VSNL1: variants seen among roughly 807,000 people sequenced by gnomAD.
VSNL1 encodes the protein visinin like 1.
Under a neutral mutation model 20.4 loss-of-function variants are expected in VSNL1, and 6 were observed. That is an observed-to-expected ratio of 0.29 (90% confidence interval 0.16 to 0.58). VSNL1 has a LOEUF of 0.58. VSNL1 is among the 20% of genes least tolerant of loss of function. The pLI, the probability that VSNL1 is intolerant of heterozygous loss-of-function variation, is 0.90. For synonymous variants in VSNL1, 93 were observed against 86.4 expected, an observed-to-expected ratio of 1.08 and a Z score of -0.42; for missense variants, 100 against 234.5, an observed-to-expected ratio of 0.43 and a Z score of 3.75.
At chr2:17,562,973 G>T (rs1001953333) in intron 1 of VSNL1, among the ~76,000 whole-genome samples, 4 of 152,052 alleles carry the variant, frequency 2.6e-5, no homozygotes, top group Admixed American at 2.0e-4. Context: ...GCCACTCTTG[G>T]GTCGGTGACT....
chr2:17,592,687 A>T, intron 2 of VSNL1, among the ~76,000 whole-genome samples: 1 of 107,066 alleles, frequency 9.3e-6, no homozygotes, highest in Non-Finnish European at 1.7e-5. Context: ...TTTACCAGAA[A>T]AGATACTCCT....
chr2:17,554,154 A>G (rs1663618547), intron 1 of VSNL1, among the ~76,000 whole-genome samples: 1 of 152,194 alleles, frequency 6.6e-6, no homozygotes. Context: ...AGCAGCTTCT[A>G]TGTTATCTGA....
intron 1 of VSNL1, among the ~76,000 whole-genome samples, chr2:17,553,660 T>A (rs1465837995): frequency 6.6e-6 from 1 of 152,226 alleles, no homozygotes; most frequent in Non-Finnish European, 1.5e-5. Context: ...GGACTATATG[T>A]CAGAACCAAA....
In VSNL1 at chr2:17,602,808, G is replaced by A. The variant is rs937415583; in HGVS notation, c.162+10572G>A. Among the ~76,000 whole-genome samples the A allele has an allele frequency of 2.6e-5, 4 of 151,836 alleles. No individual in the cohort carries two copies. The East Asian group carries it at 7.8e-4, about 29-fold the overall frequency. On this transcript the variant is annotated intron_variant, in intron 2 of 3. Transcript: ENST00000295156. ...AAATAAAATAAAATGTCAAAGGGAG[G>A]AATCCCTTTGTAGTAATAGAGAAGC...
Position 17,649,360 on chromosome 2 carries a change from C to G in VSNL1, c.163-50C>G. ...CGTCATTAGGAACCTACCTCGTCGC[C>G]CCGATTCCATCCCCTCCCGACACCT... On this transcript the variant is annotated intron_variant, in intron 2 of 3. Transcript: ENST00000295156. This position sits in a 1 kb window ranked among gnomAD's most constrained non-coding sequence, Gnocchi z 6.4. 1 of 1,584,530 alleles carries G rather than the reference C, an allele frequency of 6.3e-7. No individual in the cohort carries two copies. Among genetic ancestry groups the G allele is most frequent in the Non-Finnish European group, 8.7e-7 (1 of 1,153,438 alleles).
chr2:17,655,500 C>CACAA lies in VSNL1; in HGVS notation c.*107_*108insCAAA, dbSNP rs1401347604. ...ACACACACACACACACACACACACACAAATATTGCTTGGACTACCTATAAA... is the reference window on the plus strand; with the variant it reads ...ACACACACACACACACACACACACACACAAAAATATTGCTTGGACTACCTATAAA... On this transcript the variant is annotated 3_prime_UTR_variant, in exon 4 of 4. Transcript: ENST00000295156. This position sits in a 1 kb window ranked among gnomAD's most constrained non-coding sequence, Gnocchi z 5.2. 8 of 954,644 alleles carry CACAA rather than the reference C, an allele frequency of 8.4e-6. No homozygotes were observed. The highest frequency in any genetic ancestry group is 5.7e-5 in the South Asian group (3 of 52,834). The allele number at this position is 954,644 out of a possible 1,614,324, so 59.1% of individuals were successfully genotyped here. A position where few individuals can be genotyped will look rare whatever the true frequency, so the allele number is the denominator to read the frequency against.
intron 2 of VSNL1, among the ~76,000 whole-genome samples, chr2:17,633,530 A>G (rs972354222): frequency 6.6e-6 from 1 of 151,882 alleles, no homozygotes; most frequent in Non-Finnish European, 1.5e-5. Context: ...GAAAGAAAAA[A>G]AAAAAATTAA....
chr2:17,642,025 G>A (rs1665892102), intron 2 of VSNL1, among the ~76,000 whole-genome samples: 1 of 152,138 alleles, frequency 6.6e-6, no homozygotes, highest in African/African-American at 2.4e-5. Flanking sequence ...TAAATGAAAT[G>A]TTGAAGCTTA....
rs541197095 is a variant in VSNL1 at position 17,580,541 on chromosome 2, A to G, written c.-5-11529A>G. Among the ~76,000 whole-genome samples the G allele has an allele frequency of 6.6e-5, 10 of 152,280 alleles. 1 individual carries two copies. In the South Asian group the frequency reaches 1.7e-3, roughly 25 times the overall value. On this transcript the variant is annotated intron_variant, in intron 1 of 3. Transcript: ENST00000295156. ...AGCATCAGAGCTAGGTTTCAGTCCA[A>G]ACTCTGCCAGTGTTTTCCCGTGTGA...
chr2:17,566,286 G>T (rs535329547), intron 1 of VSNL1, among the ~76,000 whole-genome samples: 27 of 152,156 alleles, frequency 1.8e-4, no homozygotes, highest in African/African-American at 6.3e-4. Context: ...GCCAGATCAT[G>T]CTCTATATGC....
intron 2 of VSNL1, among the ~76,000 whole-genome samples, chr2:17,645,521 G>A (rs1452590175): frequency 6.6e-6 from 1 of 152,270 alleles, no homozygotes; most frequent in Non-Finnish European, 1.5e-5. Context: ...GAGGCACAGT[G>A]TTTGTAGATC....
At chr2:17,630,754 A>G (rs1665610534) in intron 2 of VSNL1, among the ~76,000 whole-genome samples, 1 of 152,198 alleles carries the variant, frequency 6.6e-6, no homozygotes, top group African/African-American at 2.4e-5. Flanking sequence ...ACACCCGCAT[A>G]TATGGGGCAA....
chr2:17,595,388 G>C (rs1373773456), intron 2 of VSNL1, among the ~76,000 whole-genome samples: 1 of 152,210 alleles, frequency 6.6e-6, no homozygotes, highest in Non-Finnish European at 1.5e-5. Flanking sequence ...ACAATGTAAT[G>C]TGTAATGACA....
intron 1 of VSNL1, among the ~76,000 whole-genome samples, chr2:17,542,850 C>T (rs1663319134): frequency 1.3e-5 from 2 of 152,104 alleles, no homozygotes; most frequent in Non-Finnish European, 2.9e-5. Flanking sequence ...TAGGCAGAGA[C>T]CCTGTAAGGT....
At chr2:17,544,209 C>A (rs1411329639) in intron 1 of VSNL1, among the ~76,000 whole-genome samples, 1 of 152,160 alleles carries the variant, frequency 6.6e-6, no homozygotes, top group Non-Finnish European at 1.5e-5. Context: ...AACACCTTTA[C>A]CAATTAACAA....
chr2:17,614,375 G>A (rs1054007937), intron 2 of VSNL1, among the ~76,000 whole-genome samples: 1 of 152,206 alleles, frequency 6.6e-6, no homozygotes, highest in African/African-American at 2.4e-5. Flanking sequence ...TTAGCACCAG[G>A]CAGTGCATCT....
intron 1 of VSNL1, among the ~76,000 whole-genome samples, chr2:17,570,643 T>G (rs1240777644): frequency 1.3e-5 from 2 of 152,220 alleles, no homozygotes; most frequent in African/African-American, 4.8e-5. Context: ...GCATTAGGTT[T>G]ATTACCTACA....
At chr2:17,598,938 C>T (rs1664770029) in intron 2 of VSNL1, among the ~76,000 whole-genome samples, 1 of 152,224 alleles carries the variant, frequency 6.6e-6, no homozygotes, top group Non-Finnish European at 1.5e-5. Context: ...TGATGTTTGA[C>T]TGATTCATTT....
At chr2:17,580,864 T>C (rs1437957388) in intron 1 of VSNL1, among the ~76,000 whole-genome samples, 1 of 152,222 alleles carries the variant, frequency 6.6e-6, no homozygotes, top group Non-Finnish European at 1.5e-5. Context: ...CATTTGCACA[T>C]TGTTCTGCTT....
Sources: allele counts gnomAD v4.1 joint callset (sites outside exome capture counted in the v4.1 genomes callset), GRCh38; gene constraint gnomAD v4.1.1; non-coding constraint Gnocchi (gnomAD v3.1); transcripts MANE v1.5; gene names NCBI Gene and HGNC (gene_info 2026-07-23, HGNC 2026-07-21).